NAV3: variants seen among roughly 807,000 people sequenced by gnomAD.
NAV3 encodes the protein neuron navigator 3.
In NAV3, 87 loss-of-function variants were observed where a neutral mutation model predicts 244.7. The ratio of observed to expected loss-of-function variants is 0.36; its 90% confidence interval spans 0.30 to 0.42. The LOEUF (loss-of-function observed/expected upper bound fraction) is 0.42, where lower values mean the gene tolerates loss of function less well. Ranked by LOEUF, NAV3 falls within the 20% of genes least tolerant of loss-of-function variation. The pLI is 1.00. For missense variants in NAV3, 2,663 were observed against 2,893.3 expected, an observed-to-expected ratio of 0.92 and a Z score of 1.83; for synonymous variants, 1,126 against 1,042.2, an observed-to-expected ratio of 1.08 and a Z score of -1.55.
intron 15 of NAV3, 82 bp downstream of exon 15, chr12:78,120,027 T>C (rs1466898555): frequency 9.8e-7 from 1 of 1,023,672 alleles, no homozygotes; most frequent in Non-Finnish European, 1.4e-6. Context: ...AATGTGTGTA[T>C]ATATATATTT....
chr12:77,674,945 A>C (rs771608999), intron 2 of NAV3, among the ~76,000 whole-genome samples: 2 of 152,210 alleles, frequency 1.3e-5, no homozygotes, highest in Non-Finnish European at 2.9e-5. Flanking sequence ...AACAAATGTC[A>C]TGTCTTTAAC....
chr12:77,619,766 C>A (rs1029087603), intron 2 of NAV3, among the ~76,000 whole-genome samples: 2 of 151,108 alleles, frequency 1.3e-5, no homozygotes, highest in Admixed American at 1.3e-4. Flanking sequence ...ATGTGTCTCA[C>A]GTTTTTTTTT....
chr12:77,602,501 C>T (rs1266235665), intron 2 of NAV3, among the ~76,000 whole-genome samples: 4 of 151,862 alleles, frequency 2.6e-5, no homozygotes, highest in Non-Finnish European at 4.4e-5. Context: ...CAGCCATCAG[C>T]AATTTGAAGC....
chr12:77,726,278 C>G (rs928934630), intron 2 of NAV3, among the ~76,000 whole-genome samples: 1 of 151,872 alleles, frequency 6.6e-6, no homozygotes, highest in African/African-American at 2.4e-5. Context: ...CAGTGAATAT[C>G]TTTTTCACAG....
At chr12:78,019,048 A>G (rs994169293) in intron 8 of NAV3, among the ~76,000 whole-genome samples, 4 of 152,150 alleles carry the variant, frequency 2.6e-5, no homozygotes, top group African/African-American at 9.7e-5. Context: ...CTCTTTTAAT[A>G]TTGACCAGAA....
At chr12:77,696,258 C>T (rs1875292685) in intron 2 of NAV3, among the ~76,000 whole-genome samples, 1 of 152,090 alleles carries the variant, frequency 6.6e-6, no homozygotes, top group African/African-American at 2.4e-5. Context: ...GGACAGTATG[C>T]TATTTCTATG....
intron 1 of NAV3, among the ~76,000 whole-genome samples, chr12:77,889,265 C>T (rs547074569): frequency 5.3e-5 from 8 of 152,280 alleles, no homozygotes; most frequent in African/African-American, 1.9e-4. Flanking sequence ...TAAGAGGGAA[C>T]TTTACCTGCC....
At chr12:77,903,405 AT>A (rs1432822908) in intron 1 of NAV3, among the ~76,000 whole-genome samples, 4 of 152,198 alleles carry the variant, frequency 2.6e-5, no homozygotes, top group Admixed American at 2.0e-4. Flanking sequence ...AGGATTCCCT[AT>A]TTGATAAATG....
rs114672013 is a variant in NAV3 at position 77,574,785 on chromosome 12, T to C, written c.72+2519T>C. ...TTTAAGATGTGTAGATTTGTACTTA[T>C]TATATTCTACTTCTAAGTACAAACT... On this transcript the variant is annotated intron_variant, in intron 2 of 8. Coordinates refer to the NAV3 transcript ENST00000550042. Among the ~76,000 whole-genome samples the C allele has an allele frequency of 6.4e-3, 978 of 151,954 alleles. 12 individuals are homozygous for C. The highest frequency in any genetic ancestry group is 0.022 in the African/African-American group (924 of 41,436).
At chr12:77,693,212 GTTCA>G (rs1438804424) in intron 2 of NAV3, among the ~76,000 whole-genome samples, 6 of 152,038 alleles carry the variant, frequency 3.9e-5, no homozygotes, top group African/African-American at 1.2e-4. Flanking sequence ...ATGTTTCACT[GTTCA>G]TTCAGTCAGT....
At chr12:77,754,077 C>T (rs990410214) in intron 2 of NAV3, among the ~76,000 whole-genome samples, 1 of 152,062 alleles carries the variant, frequency 6.6e-6, no homozygotes, top group African/African-American at 2.4e-5. Flanking sequence ...AGGTGTATTA[C>T]TGATGTTATT....
intron 8 of NAV3, among the ~76,000 whole-genome samples, chr12:78,017,843 G>A (rs994565924): frequency 1.7e-4 from 26 of 152,050 alleles, no homozygotes; most frequent in Admixed American, 1.5e-3. Flanking sequence ...CAACTTCTTT[G>A]ATCATTTGCA....
chr12:77,864,494 A>G lies in NAV3; in HGVS notation c.243+32790A>G, dbSNP rs182947557. Among the ~76,000 whole-genome samples the G allele has an allele frequency of 1.5e-3, 221 of 152,066 alleles. 2 individuals carry two copies. Among genetic ancestry groups the G allele is most frequent in the African/African-American group, 5.0e-3 (208 of 41,540 alleles). On this transcript the variant is annotated intron_variant, in intron 1 of 39. Transcript: ENST00000397909. Reference sequence around the variant, plus strand: ...CTTCCCAATGTCACCCTACATAGTAAATAAATATTTATGGAGCTTTGATGC... The same window carrying G: ...CTTCCCAATGTCACCCTACATAGTAGATAAATATTTATGGAGCTTTGATGC...
intron 1 of NAV3, among the ~76,000 whole-genome samples, chr12:77,893,975 G>A (rs187547502): frequency 2.6e-5 from 4 of 152,270 alleles, no homozygotes; most frequent in Admixed American, 2.0e-4. Flanking sequence ...GGATGACACA[G>A]GACAAGTTAT....
At chr12:78,134,059 A>G (rs779817418) in intron 18 of NAV3, among the ~76,000 whole-genome samples, 11 of 152,176 alleles carry the variant, frequency 7.2e-5, no homozygotes, top group African/African-American at 1.9e-4. Context: ...ATTAATGTCA[A>G]CCTGTCACTT....
chr12:77,815,750 T>A (rs1872504211), intron 2 of NAV3, among the ~76,000 whole-genome samples: 1 of 152,142 alleles, frequency 6.6e-6, no homozygotes, highest in Admixed American at 6.6e-5. Flanking sequence ...CCACATCCTT[T>A]CTGAACAGTA....
intron 18 of NAV3, among the ~76,000 whole-genome samples, chr12:78,136,189 G>A (rs1351535485): frequency 6.6e-6 from 1 of 152,184 alleles, no homozygotes; most frequent in Non-Finnish European, 1.5e-5. Flanking sequence ...GCCACTGACG[G>A]ATTCCACAGG....
chr12:77,811,787 A>T (rs1272386231), intron 2 of NAV3, among the ~76,000 whole-genome samples: 1 of 152,238 alleles, frequency 6.6e-6, no homozygotes, highest in Non-Finnish European at 1.5e-5. Flanking sequence ...AAGGAAGAGA[A>T]GCATTTTCTG....
chr12:77,643,661 T>C (rs1872511296), intron 2 of NAV3, among the ~76,000 whole-genome samples: 1 of 151,878 alleles, frequency 6.6e-6, no homozygotes. Flanking sequence ...AGTTCATTTA[T>C]AAATTTTTAT....
Sources: gnomAD v4.1 joint callset for allele counts (sites outside exome capture counted in the v4.1 genomes callset) on GRCh38, gnomAD v4.1.1 for gene constraint, MANE v1.5 for transcripts, NCBI Gene and HGNC (gene_info 2026-07-23, HGNC 2026-07-21) for gene names.